NELL1: variants seen among roughly 807,000 people sequenced by gnomAD.
NELL1 encodes neural EGFL like 1, also known as protein kinase C-binding protein NELL1.
In NELL1, 76 loss-of-function variants were observed where a neutral mutation model predicts 107.4. That is an observed-to-expected ratio of 0.71 (90% confidence interval 0.59 to 0.86). The LOEUF (loss-of-function observed/expected upper bound fraction) is 0.86. Ranked by LOEUF, NELL1 falls within the 40% of genes least tolerant of loss-of-function variation. NELL1 has a pLI of 0.00. For synonymous variants in NELL1, 353 were observed against 341.2 expected, an observed-to-expected ratio of 1.03 and a Z score of -0.38; for missense variants, 1,024 against 1,005.5, an observed-to-expected ratio of 1.02 and a Z score of -0.25.
chr11:20,710,730 T>A (rs1855091367), intron 2 of NELL1, among the ~76,000 whole-genome samples: 1 of 152,146 alleles, frequency 6.6e-6, no homozygotes, highest in Non-Finnish European at 1.5e-5. Flanking sequence ...GTTATTGGTC[T>A]CTTCAGTTTC....
intron 15 of NELL1, among the ~76,000 whole-genome samples, chr11:21,413,255 T>C (rs1318046167): frequency 6.6e-6 from 1 of 151,850 alleles, no homozygotes. Flanking sequence ...AGATAAACCA[T>C]AACCCAGGAT....
intron 12 of NELL1, among the ~76,000 whole-genome samples, chr11:21,006,948 C>T (rs1335230759): frequency 3.3e-5 from 5 of 152,104 alleles, no homozygotes; most frequent in Non-Finnish European, 1.5e-5. Context: ...AAATAAAGAT[C>T]GAAGTTAACT....
rs1301610154 is a variant in NELL1, at chr11:20,988,582, A to G, written c.1300+28022A>G. Among the ~76,000 whole-genome samples, 5 of 151,030 alleles carry G rather than the reference A, an allele frequency of 3.3e-5. No homozygotes were observed. The East Asian group carries it at 9.7e-4, about 29-fold the overall frequency. On this transcript the variant is annotated intron_variant, in intron 12 of 19. Coordinates refer to ENST00000357134, the MANE Select transcript of NELL1 (RefSeq NM_006157.5). ...ATTTTCTTCTTACTGGGTTGTCAGG[A>G]CACTTTAGAGAGGTTTGTTCTTTTC...
At chr11:21,200,647 A>G (rs1857249656) in intron 13 of NELL1, among the ~76,000 whole-genome samples, 1 of 152,070 alleles carries the variant, frequency 6.6e-6, no homozygotes, top group South Asian at 2.1e-4. Flanking sequence ...ATTAGATCCC[A>G]TTTGTCAACT....
intron 2 of NELL1, among the ~76,000 whole-genome samples, chr11:20,690,423 G>A (rs548165460): frequency 5.5e-4 from 84 of 152,210 alleles, no homozygotes; most frequent in Middle Eastern, 3.4e-3. Flanking sequence ...TAGGTCTAAT[G>A]TTTAAGTCTT....
In NELL1 at chr11:21,419,283, T is replaced by G. The variant is rs1457112957; in HGVS notation, c.1645+48335T>G. On this transcript the variant is annotated intron_variant, in intron 15 of 19. Coordinates refer to ENST00000357134, the MANE Select transcript of NELL1 (RefSeq NM_006157.5). ...TATGATGAAAAATCCCAAACTGATCTTTTATCCTTCAAGAAACCGTTGCAA... is the reference window on the plus strand; with the variant it reads ...TATGATGAAAAATCCCAAACTGATCGTTTATCCTTCAAGAAACCGTTGCAA... 5.9e-5 allele frequency among the ~76,000 whole-genome samples: 9 copies of G among 152,124 alleles called. No individual in the cohort carries two copies. The East Asian group carries it at 1.7e-3, about 29-fold the overall frequency.
chr11:21,394,165 T>C (rs1851935870), intron 15 of NELL1, among the ~76,000 whole-genome samples: 3 of 151,588 alleles, frequency 2.0e-5, no homozygotes, highest in Admixed American at 2.0e-4. Flanking sequence ...TCCTATAGGA[T>C]TAGACATTAT....
chr11:21,336,563 T>C (rs1850400404), intron 14 of NELL1, among the ~76,000 whole-genome samples: 1 of 151,730 alleles, frequency 6.6e-6, no homozygotes. Context: ...ATAAAGTTAA[T>C]TGAACAGACA....
intron 14 of NELL1, among the ~76,000 whole-genome samples, chr11:21,324,588 G>C (rs994053782): frequency 1.3e-5 from 2 of 152,032 alleles, no homozygotes; most frequent in Non-Finnish European, 2.9e-5. Context: ...TTGATGTTTT[G>C]TAAGTGCCTG....
chr11:21,481,376 A>G (rs1854487914), intron 15 of NELL1, among the ~76,000 whole-genome samples: 1 of 152,162 alleles, frequency 6.6e-6, no homozygotes, highest in East Asian at 1.9e-4. Context: ...CCTCTGAGAA[A>G]GGGTTAGAGG....
intron 14 of NELL1, among the ~76,000 whole-genome samples, chr11:21,303,845 G>T (rs78210122): frequency 0.027 from 4,057 of 152,084 alleles, 101 homozygotes; most frequent in Non-Finnish European, 0.037. Context: ...GGATCAAGGT[G>T]CTGGAGAAAG....
chr11:21,101,230 G>C (rs1256119600), intron 12 of NELL1, among the ~76,000 whole-genome samples: 4 of 152,126 alleles, frequency 2.6e-5, no homozygotes, highest in Non-Finnish European at 5.9e-5. Flanking sequence ...TCTTAATCCA[G>C]TCTATCATTG....
In NELL1 at chr11:21,149,039, G is replaced by C. The variant is rs976195044; in HGVS notation, c.1426+35325G>C. Among the ~76,000 whole-genome samples, 7 of 152,234 alleles carry C rather than the reference G, an allele frequency of 4.6e-5. No homozygotes were observed. In the East Asian group the frequency reaches 1.2e-3, roughly 25 times the overall value. On this transcript the variant is annotated intron_variant, in intron 13 of 19. Coordinates refer to ENST00000357134, the MANE Select transcript of NELL1 (RefSeq NM_006157.5). ...AAAAGAGTATCAGGGAAAATTATAG[G>C]TTTTTTGTTGCAGTTCTGGTCTTTA...
chr11:21,194,157 A>G (rs1277891260), intron 13 of NELL1, among the ~76,000 whole-genome samples: 1 of 151,752 alleles, frequency 6.6e-6, no homozygotes, highest in African/African-American at 2.4e-5. Flanking sequence ...CAGTTACCAG[A>G]TGGCATTTCT....
intron 15 of NELL1, among the ~76,000 whole-genome samples, chr11:21,404,007 C>CG (rs202175981): frequency 1.7e-4 from 16 of 96,462 alleles, no homozygotes; most frequent in Non-Finnish European, 2.3e-4. Flanking sequence ...ATTCCTGAAC[C>CG]CCCCCCCCCG....
chr11:21,510,728 A>C (rs1007387362), intron 15 of NELL1, among the ~76,000 whole-genome samples: 1 of 151,852 alleles, frequency 6.6e-6, no homozygotes, highest in African/African-American at 2.4e-5. Flanking sequence ...ACTGACATCT[A>C]CTCTATATTT....
chr11:21,389,744 T>A (rs773651310), intron 15 of NELL1, among the ~76,000 whole-genome samples: 10 of 151,960 alleles, frequency 6.6e-5, no homozygotes, highest in Middle Eastern at 6.8e-3. Flanking sequence ...ATGCTGTGAA[T>A]TGGTTGTAAT....
intron 12 of NELL1, among the ~76,000 whole-genome samples, chr11:21,099,230 C>A (rs866095733): frequency 0.041 from 5,209 of 126,536 alleles, 183 homozygotes; most frequent in African/African-American, 0.11. Context: ...CACACACACA[C>A]ACAAACACAC....
intron 14 of NELL1, among the ~76,000 whole-genome samples, chr11:21,340,619 T>TTA (rs1398561232): frequency 1.6e-5 from 1 of 61,154 alleles, no homozygotes; most frequent in African/African-American, 5.2e-5. Context: ...TTATGACGGG[T>TTA]TACACACACA....
Sources: allele counts gnomAD v4.1 joint callset (sites outside exome capture counted in the v4.1 genomes callset), GRCh38; gene constraint gnomAD v4.1.1; transcripts MANE v1.5; gene names NCBI Gene and HGNC (gene_info 2026-07-23, HGNC 2026-07-21).